Variants in MKLN1 observed in about 807,000 individuals in gnomAD.
MKLN1 encodes muskelin 1.
A neutral mutation model predicts 99.0 loss-of-function variants in MKLN1; 18 were observed. That is an observed-to-expected ratio of 0.18 (90% CI 0.13 to 0.27). The LOEUF is 0.27. MKLN1 is among the 10% of genes least tolerant of loss of function. The probability of loss-of-function intolerance (pLI) is 1.00; values close to 1 mark genes in which losing one functional copy is unlikely to be tolerated. For missense variants in MKLN1, 621 were observed against 875.9 expected (o/e 0.71, Z 3.67); for synonymous variants, 288 against 293.2 (o/e 0.98, Z 0.18).
intron 3 of MKLN1, among the ~76,000 whole-genome samples, chr7:131,315,491 C>T (rs1798648888): frequency 6.6e-6 from 1 of 152,218 alleles, no homozygotes; most frequent in Non-Finnish European, 1.5e-5. Context: ...TGGGCAGGCA[C>T]TGAGCTAGCT....
intron 3 of MKLN1, among the ~76,000 whole-genome samples, chr7:131,274,132 ATTAAG>A (rs1219832318): frequency 6.6e-6 from 1 of 152,198 alleles, no homozygotes; most frequent in Non-Finnish European, 1.5e-5. Context: ...AATGGGTATT[ATTAAG>A]TTATTTTACA....
intron 3 of MKLN1, among the ~76,000 whole-genome samples, chr7:131,277,858 A>C (rs1258331031): frequency 1.3e-5 from 2 of 152,176 alleles, no homozygotes; most frequent in African/African-American, 4.8e-5. Context: ...AATTATATGA[A>C]TGTATTATCA....
At position 131,128,134 on chromosome 7, in the gene MKLN1, C is replaced by T. The variant is rs140780407; in HGVS notation, c.-418-14686C>T. 3.4e-4 allele frequency among the ~76,000 whole-genome samples: 51 copies of T among 150,328 alleles called. No homozygotes were observed. The East Asian group carries it at 9.6e-3, about 28-fold the overall frequency. On this transcript the variant is annotated intron_variant, in intron 1 of 7. Coordinates refer to the MKLN1 transcript ENST00000416992. ...CCATATATGAGCAGGCCCCTAGACA[C>T]TGTGATGTGTCCAAGTGGTCCATAT...
At chr7:131,275,661 C>T (rs1177947505) in intron 3 of MKLN1, among the ~76,000 whole-genome samples, 1 of 143,640 alleles carries the variant, frequency 7.0e-6, no homozygotes, top group African/African-American at 2.6e-5. Flanking sequence ...AAACTCCTGG[C>T]CTCAAGTGAT....
chr7:131,331,007 TTACATATACTCTTA>T (rs1184374595), intron 1 of MKLN1, among the ~76,000 whole-genome samples: 2 of 152,166 alleles, frequency 1.3e-5, no homozygotes, highest in Admixed American at 1.3e-4. Flanking sequence ...ATTCATAAAA[TTACATATACTCTTA>T]TACATAAAAA....
chr7:131,380,039 T>G (rs1474028458), intron 2 of MKLN1, among the ~76,000 whole-genome samples: 1 of 117,990 alleles, frequency 8.5e-6, no homozygotes, highest in Non-Finnish European at 1.7e-5. Flanking sequence ...TGGGGTGTGG[T>G]AGGGTGGTAG....
At chr7:131,440,538 T>C (rs981773650) in intron 10 of MKLN1, among the ~76,000 whole-genome samples, 4 of 151,478 alleles carry the variant, frequency 2.6e-5, no homozygotes, top group Non-Finnish European at 4.4e-5. Flanking sequence ...AGAAAAACAA[T>C]AAAAAGAAAA....
intron 12 of MKLN1, among the ~76,000 whole-genome samples, chr7:131,462,192 T>A (rs928260827): frequency 1.1e-4 from 16 of 152,154 alleles, no homozygotes; most frequent in African/African-American, 3.6e-4. Context: ...CCACCACACT[T>A]GGCTGATTTT....
chr7:131,367,328 T>C (rs781137310), intron 1 of MKLN1, among the ~76,000 whole-genome samples: 5 of 152,234 alleles, frequency 3.3e-5, no homozygotes, highest in Admixed American at 1.3e-4. Context: ...TTCTCAGTTA[T>C]TATTTGCATT....
At chr7:131,421,196 G>C (rs1434786106) in intron 8 of MKLN1, among the ~76,000 whole-genome samples, 4 of 152,014 alleles carry the variant, frequency 2.6e-5, no homozygotes, top group African/African-American at 9.6e-5. Context: ...TGTATCCTTG[G>C]GTTTTTCTCT....
chr7:131,206,426 G>C (rs968189380), intron 3 of MKLN1, among the ~76,000 whole-genome samples: 1 of 151,992 alleles, frequency 6.6e-6, no homozygotes, highest in African/African-American at 2.4e-5. Context: ...TCTAGAAACA[G>C]ATGAGCAGCA....
At chr7:131,426,675 AC>A (rs1334853815) in intron 8 of MKLN1, among the ~76,000 whole-genome samples, 1 of 152,176 alleles carries the variant, frequency 6.6e-6, no homozygotes. Flanking sequence ...GTACTTAGTA[AC>A]TACAGAGTGT....
intron 2 of MKLN1, among the ~76,000 whole-genome samples, chr7:131,196,613 A>G (rs1014975729): frequency 5.9e-5 from 9 of 152,084 alleles, no homozygotes; most frequent in Admixed American, 2.6e-4. Flanking sequence ...GCACCTACTT[A>G]TGGGGCATGT....
chr7:131,468,420 A>G (rs186090882), intron 15 of MKLN1, among the ~76,000 whole-genome samples: 449 of 152,304 alleles, frequency 2.9e-3, no homozygotes, highest in Non-Finnish European at 5.3e-3. Context: ...TTATTTTTTT[A>G]TAATACGGGA....
chr7:131,172,119 T>C lies in MKLN1; in HGVS notation c.-297+29178T>C, dbSNP rs182774689. 9.7e-4 allele frequency among the ~76,000 whole-genome samples: 147 copies of C among 152,072 alleles called. 1 individual carries two copies. Among genetic ancestry groups the C allele is most frequent in the African/African-American group, 3.1e-3 (128 of 41,500 alleles). On this transcript the variant is annotated intron_variant, in intron 2 of 7. Transcript: ENST00000416992. ...TTAATCTGTCCACACAAGAATTTAT[T>C]TATTTATTTATTTTTATTTTATTTT...
At chr7:131,332,614 A>G (rs1799111548) in intron 1 of MKLN1, among the ~76,000 whole-genome samples, 5 of 151,844 alleles carry the variant, frequency 3.3e-5, no homozygotes, top group Admixed American at 3.3e-4. Context: ...CCCTTTAAAT[A>G]CTGTTTATTA....
At chr7:131,286,336 T>C (rs568721831) in intron 3 of MKLN1, among the ~76,000 whole-genome samples, 14 of 152,334 alleles carry the variant, frequency 9.2e-5, no homozygotes, top group African/African-American at 3.4e-4. Context: ...TCCTCAGCTC[T>C]TATATTTTCT....
chr7:131,140,491 G>A (rs188737525), intron 1 of MKLN1, among the ~76,000 whole-genome samples: 1 of 152,252 alleles, frequency 6.6e-6, no homozygotes, highest in East Asian at 1.9e-4. Context: ...GCTGTGATGA[G>A]TGAGTTCTCG....
intron 1 of MKLN1, among the ~76,000 whole-genome samples, chr7:131,113,732 G>C (rs1440176826): frequency 6.6e-6 from 1 of 151,990 alleles, no homozygotes; most frequent in East Asian, 1.9e-4. Context: ...AGCTCCTCAG[G>C]AGGATCACTT....
Sources: gnomAD v4.1 joint callset for allele counts (sites outside exome capture counted in the v4.1 genomes callset) on GRCh38, gnomAD v4.1.1 for gene constraint, MANE v1.5 for transcripts, NCBI Gene and HGNC (gene_info 2026-07-23, HGNC 2026-07-21) for gene names.